The following XYLT1 variants were observed in gnomAD, a reference collection of about 807,000 sequenced individuals.
XYLT1 encodes xylosyltransferase 1, also known as beta-D-xylosyltransferase 1.
In XYLT1, 36 loss-of-function variants were observed where a neutral mutation model predicts 91.3. The observed-to-expected ratio is 0.39, with a 90% CI of 0.30 to 0.52. The LOEUF (loss-of-function observed/expected upper bound fraction) is 0.52, where lower values mean the gene tolerates loss of function less well. XYLT1 is among the 20% of genes least tolerant of loss of function. The probability of loss-of-function intolerance (pLI) is 0.68; values close to 1 mark genes in which losing one functional copy is unlikely to be tolerated. For missense variants in XYLT1, 1,242 were observed against 1,284.5 expected, an observed-to-expected ratio of 0.97 and a Z score of 0.51; for synonymous variants, 588 against 532.0, an observed-to-expected ratio of 1.11 and a Z score of -1.45.
At chr16:17,323,589 C>T (rs746278570) in intron 2 of XYLT1, among the ~76,000 whole-genome samples, 2 of 152,168 alleles carry the variant, frequency 1.3e-5, no homozygotes, top group Admixed American at 6.5e-5. Flanking sequence ...CCAGTTATTT[C>T]GTCATCACGG....
chr16:17,179,229 C>T (rs1399132225), intron 5 of XYLT1, among the ~76,000 whole-genome samples: 1 of 152,106 alleles, frequency 6.6e-6, no homozygotes. Flanking sequence ...ACACCAGGGT[C>T]TCCTTGAGGA....
chr16:17,329,844 G>A (rs897334659), intron 2 of XYLT1, among the ~76,000 whole-genome samples: 3 of 152,146 alleles, frequency 2.0e-5, no homozygotes, highest in African/African-American at 7.2e-5. Context: ...TGTATCCCCA[G>A]GCAAGGTACC....
chr16:17,357,667 T>C (rs1469548651), intron 2 of XYLT1, among the ~76,000 whole-genome samples: 2 of 152,240 alleles, frequency 1.3e-5, no homozygotes. Context: ...TCCCACTTCA[T>C]GGCTCTCCTC....
At chr16:17,152,859 T>C (rs1203200811) in intron 6 of XYLT1, among the ~76,000 whole-genome samples, 1 of 152,222 alleles carries the variant, frequency 6.6e-6, no homozygotes, top group Non-Finnish European at 1.5e-5. Context: ...CTTACTATGC[T>C]TTGCCTTACT....
At chr16:17,332,365 C>T (rs1033989616) in intron 2 of XYLT1, among the ~76,000 whole-genome samples, 1 of 152,140 alleles carries the variant, frequency 6.6e-6, no homozygotes, top group Admixed American at 6.5e-5. Context: ...AGTTTGAGAC[C>T]AGCCTGGCCA....
chr16:17,431,605 G>A (rs1259169976), intron 1 of XYLT1, among the ~76,000 whole-genome samples: 1 of 152,198 alleles, frequency 6.6e-6, no homozygotes, highest in African/African-American at 2.4e-5. Flanking sequence ...GATCAAGGAT[G>A]GAGTTAACTA....
chr16:17,316,822 G>T (rs112749554), intron 2 of XYLT1, among the ~76,000 whole-genome samples: 3,412 of 143,464 alleles, frequency 0.024, 62 homozygotes, highest in Non-Finnish European at 0.032. Context: ...ACCACAGGCA[G>T]ATTTTTTTTT....
At chr16:17,421,690 C>G (rs562974293) in intron 1 of XYLT1, among the ~76,000 whole-genome samples, 2 of 152,314 alleles carry the variant, frequency 1.3e-5, no homozygotes, top group East Asian at 3.9e-4. Context: ...AGTGGATCCT[C>G]CAGCCCCAGT....
intron 3 of XYLT1, among the ~76,000 whole-genome samples, chr16:17,229,815 T>C (rs754067): frequency 0.27 from 40,940 of 152,184 alleles, 6,266 homozygotes; most frequent in South Asian, 0.44. Flanking sequence ...TCCAAAATCA[T>C]GTCCACTCAG....
At chr16:17,357,034 G>A (rs980237530) in intron 2 of XYLT1, among the ~76,000 whole-genome samples, 9 of 151,540 alleles carry the variant, frequency 5.9e-5, no homozygotes, top group Admixed American at 2.0e-4. Context: ...AAAATTAGCC[G>A]GGCGTGGCAG....
intron 2 of XYLT1, among the ~76,000 whole-genome samples, chr16:17,329,162 G>A (rs1486361309): frequency 6.6e-6 from 1 of 152,208 alleles, no homozygotes; most frequent in Non-Finnish European, 1.5e-5. Context: ...AATGGGCGAG[G>A]CTGTGTTCCA....
At chr16:17,130,058 G>C (rs1391142635) in intron 9 of XYLT1, among the ~76,000 whole-genome samples, 2 of 152,350 alleles carry the variant, frequency 1.3e-5, no homozygotes. Context: ...CACCATGAGA[G>C]CATGCCTGGG....
intron 3 of XYLT1, among the ~76,000 whole-genome samples, chr16:17,210,316 G>GGA (rs1366281998): frequency 1.3e-5 from 2 of 152,134 alleles, no homozygotes. Flanking sequence ...TGACCAACAT[G>GGA]GTGAAACCCC....
chr16:17,361,926 T>C (rs1596503100), intron 1 of XYLT1, among the ~76,000 whole-genome samples: 1 of 152,246 alleles, frequency 6.6e-6, no homozygotes, highest in African/African-American at 2.4e-5. Flanking sequence ...CTTCTATGCG[T>C]GTATCATTTC....
chr16:17,282,849 G>A (rs2034077563), intron 2 of XYLT1, among the ~76,000 whole-genome samples: 1 of 152,180 alleles, frequency 6.6e-6, no homozygotes, highest in African/African-American at 2.4e-5. Flanking sequence ...TGCCACTGTT[G>A]TAAGGGATTA....
chr16:17,154,336 G>A (rs1424770127), intron 6 of XYLT1, among the ~76,000 whole-genome samples: 1 of 152,176 alleles, frequency 6.6e-6, no homozygotes, highest in Non-Finnish European at 1.5e-5. Context: ...TAACATGGGG[G>A]CCCTGGTGAC....
chr16:17,131,477 C>T (rs549192708), intron 9 of XYLT1, among the ~76,000 whole-genome samples: 1 of 152,312 alleles, frequency 6.6e-6, no homozygotes, highest in African/African-American at 2.4e-5. Context: ...TACTGGGGTT[C>T]AGCTCCATGG....
intron 2 of XYLT1, among the ~76,000 whole-genome samples, chr16:17,336,223 T>C (rs925551403): frequency 6.6e-6 from 1 of 152,236 alleles, no homozygotes; most frequent in African/African-American, 2.4e-5. Flanking sequence ...TAACACACTT[T>C]GGAAATACTT....
chr16:17,399,100 T>A (rs1473635824), intron 1 of XYLT1, among the ~76,000 whole-genome samples: 1 of 152,008 alleles, frequency 6.6e-6, no homozygotes, highest in African/African-American at 2.4e-5. Flanking sequence ...GCAAATTACA[T>A]CTGCAATGAC....
Sources: allele counts gnomAD v4.1 joint callset (sites outside exome capture counted in the v4.1 genomes callset), GRCh38; gene constraint gnomAD v4.1.1; transcripts MANE v1.5; gene names NCBI Gene and HGNC (gene_info 2026-07-23, HGNC 2026-07-21).